RCAN1: variants seen among roughly 807,000 people sequenced by gnomAD.
The protein encoded by RCAN1 is calcipressin-1.
A neutral mutation model predicts 22.9 loss-of-function variants in RCAN1; 11 were observed. The observed-to-expected ratio is 0.48, with a 90% CI of 0.30 to 0.79. The LOEUF (loss-of-function observed/expected upper bound fraction) is 0.79. Ranked by LOEUF, RCAN1 falls within the 30% of genes least tolerant of loss-of-function variation. The pLI, the probability that RCAN1 is intolerant of heterozygous loss-of-function variation, is 0.06. For missense variants in RCAN1, 291 were observed against 337.8 expected (o/e 0.86, Z 1.09); for synonymous variants, 136 against 142.3 (o/e 0.96, Z 0.32).
chr21:34,567,248 C>T (rs532255253), intron 1 of RCAN1, among the ~76,000 whole-genome samples: 8 of 152,310 alleles, frequency 5.3e-5, no homozygotes, highest in Middle Eastern at 3.4e-3. Context: ...GTAATCCCAG[C>T]ACTTTGGGAG....
Position 34,521,831 on chromosome 21 carries a change from A to G in RCAN1, c.427-173T>C. The G allele has an allele frequency of 6.7e-6, 4 of 594,956 alleles. No homozygotes were observed. In the East Asian group the frequency reaches 8.5e-5, roughly 13 times the overall value. The allele number at this position is 594,956 out of a possible 1,614,324, so 36.9% of individuals were successfully genotyped here. A position where few individuals can be genotyped will look rare whatever the true frequency, so the allele number is the denominator to read the frequency against. On this transcript the variant is annotated intron_variant, in intron 2 of 3. Transcript: ENST00000313806. ...TGTAATGGGGAGGGCAAAAGGACAT[A>G]TGAACTCTGGTTGTGGCACAGATAG...
At chr21:34,534,217 A>AC (rs11462757) in intron 1 of RCAN1, among the ~76,000 whole-genome samples, 1 of 152,102 alleles carries the variant, frequency 6.6e-6, no homozygotes, top group Admixed American at 6.5e-5. Context: ...TTCTCCAACC[A>AC]GTGTCCATAC....
rs937887097 is a variant in RCAN1 at position 34,574,332 on chromosome 21, G to A, written c.252+40428C>T. Reference sequence around the variant, plus strand: ...CAGATAAGCTATCAATCAAGCGTGAGGGTGAGATACTACGTATATTTTCAA... The same window carrying A: ...CAGATAAGCTATCAATCAAGCGTGAAGGTGAGATACTACGTATATTTTCAA... On this transcript the variant is annotated intron_variant, in intron 1 of 3. Coordinates refer to ENST00000313806, the MANE Select transcript of RCAN1 (RefSeq NM_004414.7). Among the ~76,000 whole-genome samples the A allele has an allele frequency of 5.3e-4, 81 of 152,330 alleles. 1 individual carries two copies. Among genetic ancestry groups the A allele is most frequent in the African/African-American group, 1.8e-3 (76 of 41,576 alleles).
chr21:34,608,943 C>G (rs1988613557), intron 1 of RCAN1, among the ~76,000 whole-genome samples: 2 of 152,186 alleles, frequency 1.3e-5, no homozygotes, highest in African/African-American at 2.4e-5. Flanking sequence ...TTCCCAGCCT[C>G]CTCATGTAGA....
chr21:34,580,553 G>A (rs557751437), intron 1 of RCAN1, among the ~76,000 whole-genome samples: 4 of 152,254 alleles, frequency 2.6e-5, no homozygotes, highest in South Asian at 2.1e-4. Context: ...GCTGCAACCC[G>A]AAGCAGCTGG....
At chr21:34,560,628 A>G (rs1259614731) in intron 1 of RCAN1, among the ~76,000 whole-genome samples, 1 of 152,228 alleles carries the variant, frequency 6.6e-6, no homozygotes, top group Non-Finnish European at 1.5e-5. Context: ...CAATTCTTTA[A>G]TAATTTTAAT....
At chr21:34,584,267 G>T (rs538464557) in intron 1 of RCAN1, among the ~76,000 whole-genome samples, 1 of 152,264 alleles carries the variant, frequency 6.6e-6, no homozygotes, top group African/African-American at 2.4e-5. Context: ...AAACTCAATT[G>T]TGCTAGAAAT....
chr21:34,614,852 A>G lies in RCAN1; in HGVS notation c.160T>C (p.Cys54Arg). The G allele has an allele frequency of 6.8e-7, 1 of 1,477,794 alleles. No individual in the cohort carries two copies. Among genetic ancestry groups the G allele is most frequent in the Non-Finnish European group, 9.0e-7 (1 of 1,111,722 alleles). 91.5% of individuals were successfully genotyped at this position (1,477,794 alleles called of 1,614,324 possible). ...TGCAGGTCCACCTCCTCCATCTCGC[A>G]GTCAATGAAGCTCCAGTCGCCGCCG... ...EGGGDWSFID[C>R]EMEEVDLQDL... The change falls in exon 1 of 4, where the codon TGC becomes CGC. Residue 54 changes from cysteine to arginine, a missense_variant. Transcript: ENST00000313806. The surrounding 1 kb of genome is among the most constrained non-coding windows in gnomAD (Gnocchi z 6.0).
intron 1 of RCAN1, among the ~76,000 whole-genome samples, chr21:34,544,910 C>T (rs1233490837): frequency 1.3e-5 from 2 of 152,208 alleles, no homozygotes; most frequent in Non-Finnish European, 2.9e-5. Context: ...CTTTTAAAGA[C>T]TGTATGACGT....
intron 1 of RCAN1, among the ~76,000 whole-genome samples, chr21:34,530,651 T>C (rs1214065685): frequency 7.4e-6 from 1 of 135,170 alleles, no homozygotes. Flanking sequence ...TTTGAGACAG[T>C]TTTGCTCTTG....
intron 1 of RCAN1, among the ~76,000 whole-genome samples, chr21:34,570,358 G>A (rs2123681455): frequency 6.6e-6 from 1 of 152,312 alleles, no homozygotes; most frequent in African/African-American, 2.4e-5. Flanking sequence ...AGACTAGAGT[G>A]ATTTGCTTCT....
chr21:34,537,076 C>T lies in RCAN1; in HGVS notation c.253-13366G>A, dbSNP rs114263195. 1.0e-2 allele frequency among the ~76,000 whole-genome samples: 1,522 copies of T among 152,284 alleles called. 20 individuals are homozygous for T. The highest frequency in any genetic ancestry group is 0.034 in the African/African-American group (1,428 of 41,552). ...CTTAAAAGCCTGATAACAAGTCACA[C>T]GAGGAAGCATGTCCTGTCATCTTCA... On this transcript the variant is annotated intron_variant, in intron 1 of 3. Transcript: ENST00000313806.
chr21:34,564,624 T>C (rs1232705391), intron 1 of RCAN1, among the ~76,000 whole-genome samples: 1 of 152,170 alleles, frequency 6.6e-6, no homozygotes, highest in East Asian at 1.9e-4. Flanking sequence ...ATGTGGGTTG[T>C]GATCACTGGA....
intron 1 of RCAN1, among the ~76,000 whole-genome samples, chr21:34,582,922 C>T (rs534886572): frequency 1.8e-3 from 270 of 152,098 alleles, no homozygotes; most frequent in Non-Finnish European, 2.4e-3. Context: ...GTTGGCTGTG[C>T]GGTGTGGAGA....
rs562537696 is a variant in RCAN1, at chr21:34,614,208, C to T, written c.252+552G>A. Reference sequence around the variant, plus strand: ...ATATCCTAAAGGTCTGAAAGATGGTCCCCTTCCCCCCAACACAATTCCACC... The same window carrying T: ...ATATCCTAAAGGTCTGAAAGATGGTTCCCTTCCCCCCAACACAATTCCACC... On this transcript the variant is annotated intron_variant, in intron 1 of 3. Transcript: ENST00000313806. The surrounding 1 kb of genome is among the most constrained non-coding windows in gnomAD (Gnocchi z 6.0). 37 of 975,642 alleles carry T rather than the reference C, an allele frequency of 3.8e-5. No homozygotes were observed. Among genetic ancestry groups the T allele is most frequent in the Middle Eastern group, 1.0e-3 (2 of 1,998 alleles). 60.4% of individuals were successfully genotyped at this position (975,642 alleles called of 1,614,324 possible).
At chr21:34,525,553 A>T in intron 1 of RCAN1, 1 of 535,114 alleles carries the variant, frequency 1.9e-6, no homozygotes. Flanking sequence ...TGAAGTTATG[A>T]TTCAGAATTT....
At chr21:34,520,495 C>T (rs909327558) in intron 3 of RCAN1, among the ~76,000 whole-genome samples, 1 of 152,140 alleles carries the variant, frequency 6.6e-6, no homozygotes, top group Admixed American at 6.5e-5. Flanking sequence ...AGGGAATTTC[C>T]GTTTGGACAA....
chr21:34,523,647 A>G lies in RCAN1; in HGVS notation c.316T>C (p.Phe106Leu), dbSNP rs1984776664. 6.2e-7 allele frequency: 1 copy of G among 1,614,194 alleles called. No homozygotes were observed. The highest frequency in any genetic ancestry group is 2.2e-5 in the East Asian group (1 of 44,886). Reference sequence around the variant, plus strand: ...CTGAAGTTTATTCTGACTCGTTTGAAGCTCTTAAAATACTGAAAGGTGATG... The same window carrying G: ...CTGAAGTTTATTCTGACTCGTTTGAGGCTCTTAAAATACTGAAAGGTGATG... The part of the protein sequence containing the change: ...KDITFQYFKS[F>L]KRVRINFSNP... The change falls in exon 2 of 4, where the codon TTC (phenylalanine) becomes CTC (leucine). Residue 106 changes from phenylalanine to leucine, a missense_variant. Transcript: ENST00000313806.
At chr21:34,565,686 T>C (rs62211864) in intron 1 of RCAN1, among the ~76,000 whole-genome samples, 36,837 of 152,100 alleles carry the variant, frequency 0.24, 5,202 homozygotes, top group African/African-American at 0.39. Flanking sequence ...GCCCCAGAAC[T>C]CTTTCCTGAC....
Sources: gnomAD v4.1 joint callset for allele counts (sites outside exome capture counted in the v4.1 genomes callset) on GRCh38, gnomAD v4.1.1 for gene constraint, Gnocchi (gnomAD v3.1) non-coding constraint, MANE v1.5 for transcripts, NCBI Gene and HGNC (gene_info 2026-07-23, HGNC 2026-07-21) for gene names.